VPS13C: variants seen among roughly 807,000 people sequenced by gnomAD.
VPS13C encodes the protein intermembrane lipid transfer protein VPS13C.
A neutral mutation model predicts 456.8 loss-of-function variants in VPS13C; 358 were observed. The ratio of observed to expected loss-of-function variants is 0.78; its 90% CI spans 0.72 to 0.86. The LOEUF (loss-of-function observed/expected upper bound fraction) is 0.86, where lower values mean the gene tolerates loss of function less well. Among genes scored for constraint, VPS13C ranks in the 40% least tolerant of loss-of-function variants. The pLI is 0.00. For synonymous variants in VPS13C, 1,578 were observed against 1,486.7 expected, an observed-to-expected ratio of 1.06 and a Z score of -1.41; for missense variants, 4,818 against 4,385.4, an observed-to-expected ratio of 1.10 and a Z score of -2.79.
intron 68 of VPS13C, among the ~76,000 whole-genome samples, chr15:61,883,621 A>T (rs1454585307): frequency 1.3e-5 from 2 of 152,124 alleles, no homozygotes; most frequent in Non-Finnish European, 2.9e-5. Flanking sequence ...GCCTAGGTGG[A>T]GTGCATCTTT....
In VPS13C at chr15:62,019,458, T is replaced by G. The variant is rs186856866; in HGVS notation, c.684+1021A>C. 2.4e-3 allele frequency among the ~76,000 whole-genome samples: 371 copies of G among 152,154 alleles called. 1 individual carries two copies. In the East Asian group the frequency reaches 0.028, roughly 12 times the overall value. ...CAAATTTCCCTCTACACACTGCTTTTAATGTGTCCCAGAGATTCTGGTATG... is the reference window on the plus strand; with the variant it reads ...CAAATTTCCCTCTACACACTGCTTTGAATGTGTCCCAGAGATTCTGGTATG... On this transcript the variant is annotated intron_variant, in intron 9 of 84. Coordinates refer to ENST00000644861, the MANE Select transcript of VPS13C (RefSeq NM_020821.3).
intron 58 of VPS13C, 41 bp downstream of exon 58, chr15:61,919,248 T>C: frequency 3.2e-6 from 5 of 1,557,746 alleles, no homozygotes; most frequent in Non-Finnish European, 4.3e-6. Flanking sequence ...TAACCATTTC[T>C]TGGTACACTG....
chr15:62,010,691 T>C, intron 12 of VPS13C, 92 bp from the exon 13 acceptor site: 1 of 1,246,608 alleles, frequency 8.0e-7, no homozygotes, highest in African/African-American at 1.5e-5. Context: ...ACTCTAGAAG[T>C]AAAGAAAAAT....
At position 62,006,933 on chromosome 15, in the gene VPS13C, T is replaced by C. The variant is rs7167689; in HGVS notation, c.1290+375A>G. On this transcript the variant is annotated intron_variant, in intron 15 of 84. Coordinates refer to ENST00000644861, the MANE Select transcript of VPS13C (RefSeq NM_020821.3). ...TAAAAGCTGTTTTTTATAAATAATA[T>C]TTTGAAGTATTTTGAAAAGCCACTA... Among the ~76,000 whole-genome samples the C allele has an allele frequency of 7.3e-3, 1,117 of 152,254 alleles. 10 individuals are homozygous for C. The highest frequency in any genetic ancestry group is 0.026 in the African/African-American group (1,061 of 41,546).
At chr15:61,998,415 CTAATGCAAATGA>C (rs1210869426) in intron 16 of VPS13C, among the ~76,000 whole-genome samples, 2 of 151,972 alleles carry the variant, frequency 1.3e-5, no homozygotes, top group Non-Finnish European at 2.9e-5. Context: ...TTTATGTAGG[CTAATGCAAATGA>C]TAATGACAAT....
chr15:61,914,868 A>G (rs2043413069), intron 61 of VPS13C, among the ~76,000 whole-genome samples: 1 of 138,962 alleles, frequency 7.2e-6, no homozygotes, highest in African/African-American at 2.9e-5. Flanking sequence ...GCCTGGCCAA[A>G]ACTCTGCCTT....
At chr15:61,892,332 A>G (rs1478321571) in intron 66 of VPS13C, among the ~76,000 whole-genome samples, 2 of 152,190 alleles carry the variant, frequency 1.3e-5, no homozygotes, top group Non-Finnish European at 2.9e-5. Context: ...CAGCCTTCCT[A>G]CATAGCTGGG....
intron 38 of VPS13C, among the ~76,000 whole-genome samples, chr15:61,953,124 G>A (rs1169455037): frequency 6.6e-6 from 1 of 152,002 alleles, no homozygotes; most frequent in African/African-American, 2.4e-5. Flanking sequence ...GCAAGTCCCT[G>A]TATCCACTAT....
At chr15:62,024,038 A>T (rs952157946) in intron 6 of VPS13C, among the ~76,000 whole-genome samples, 193 bp from the exon 7 acceptor site, 1 of 152,112 alleles carries the variant, frequency 6.6e-6, no homozygotes, top group Non-Finnish European at 1.5e-5. Context: ...ATAACCTTCT[A>T]TTGTAAAGAA....
intron 66 of VPS13C, 89 bp downstream of exon 66, chr15:61,907,175 C>A (rs762987452): frequency 6.3e-7 from 1 of 1,588,140 alleles, no homozygotes; most frequent in Middle Eastern, 1.7e-4. Context: ...ACTTTTAGTT[C>A]AATTAGGACA....
At position 61,918,025 on chromosome 15, in the gene VPS13C, T is replaced by A. The variant is rs967463588; in HGVS notation, c.7760+111A>T. 2.6e-6 allele frequency: 3 copies of A among 1,144,874 alleles called. No individual in the cohort carries two copies. The African/African-American group carries it at 4.9e-5, about 19-fold the overall frequency. The allele number at this position is 1,144,874 out of a possible 1,614,324, so 70.9% of individuals were successfully genotyped here. ...TCTCAATGGAAGACTAAATTATGTCTTAAAACTGGCTTTTACTGATCTTTA... is the reference window on the plus strand; with the variant it reads ...TCTCAATGGAAGACTAAATTATGTCATAAAACTGGCTTTTACTGATCTTTA... On this transcript the variant is annotated intron_variant, in intron 59 of 84. Coordinates refer to ENST00000644861, the MANE Select transcript of VPS13C (RefSeq NM_020821.3).
At chr15:61,985,363 T>A (rs1268521810) in intron 18 of VPS13C, among the ~76,000 whole-genome samples, 1 of 152,114 alleles carries the variant, frequency 6.6e-6, no homozygotes, top group African/African-American at 2.4e-5. Flanking sequence ...TTCAAGCGAC[T>A]CTCCTGCCTC....
chr15:61,940,113 T>A (rs1237459483), intron 47 of VPS13C, among the ~76,000 whole-genome samples: 3 of 152,230 alleles, frequency 2.0e-5, no homozygotes, highest in Non-Finnish European at 4.4e-5. Flanking sequence ...AATGGTGTAT[T>A]TATATGCTTA....
At chr15:61,872,972 G>A (rs1048852091) in intron 78 of VPS13C, among the ~76,000 whole-genome samples, 4 of 152,008 alleles carry the variant, frequency 2.6e-5, no homozygotes, top group Admixed American at 2.0e-4. Flanking sequence ...AGTTTCCATA[G>A]GTACCATGTA....
intron 66 of VPS13C, among the ~76,000 whole-genome samples, chr15:61,895,864 G>C (rs1596303833): frequency 6.6e-6 from 1 of 152,188 alleles, no homozygotes; most frequent in Non-Finnish European, 1.5e-5. Flanking sequence ...ATTACAGCAA[G>C]ATAGGAGGAA....
intron 34 of VPS13C, among the ~76,000 whole-genome samples, 164 bp downstream of exon 34, chr15:61,962,207 C>T (rs1262949091): frequency 1.3e-5 from 2 of 152,098 alleles, no homozygotes; most frequent in African/African-American, 4.8e-5. Flanking sequence ...AAATGATTCA[C>T]TTTTCAACTG....
intron 1 of VPS13C, among the ~76,000 whole-genome samples, 186 bp downstream of exon 1, chr15:62,060,089 G>A (rs1403873438): frequency 6.6e-6 from 1 of 152,180 alleles, no homozygotes; most frequent in East Asian, 1.9e-4. Context: ...CATCTCCCCA[G>A]CCGGAGTCGG....
chr15:61,924,145 C>T (rs1258979626), intron 53 of VPS13C, among the ~76,000 whole-genome samples: 1 of 151,830 alleles, frequency 6.6e-6, no homozygotes, highest in Non-Finnish European at 1.5e-5. Flanking sequence ...GGATTACAGG[C>T]GTGAGGCCAC....
At chr15:62,024,247 G>A (rs764124717) in intron 6 of VPS13C, among the ~76,000 whole-genome samples, 25 of 151,920 alleles carry the variant, frequency 1.6e-4, no homozygotes, top group Non-Finnish European at 2.8e-4. Flanking sequence ...CATATGGTAG[G>A]AACATAGGCA....
Sources: gnomAD v4.1 joint callset for allele counts (sites outside exome capture counted in the v4.1 genomes callset) on GRCh38, gnomAD v4.1.1 for gene constraint, MANE v1.5 for transcripts, NCBI Gene and HGNC (gene_info 2026-07-23, HGNC 2026-07-21) for gene names.